Variants in SPOCK3 observed in about 807,000 individuals in gnomAD.
The protein encoded by SPOCK3 is SPARC (osteonectin), cwcv and kazal like domains proteoglycan 3, also known as testican-3.
In SPOCK3, 30 loss-of-function variants were observed where a neutral mutation model predicts 56.6. The observed-to-expected ratio is 0.53, with a 90% CI of 0.40 to 0.72. The LOEUF is 0.72. Among genes scored for constraint, SPOCK3 ranks in the 30% least tolerant of loss-of-function variants. The pLI, the probability that SPOCK3 is intolerant of heterozygous loss-of-function variation, is 0.00. For missense variants in SPOCK3, 527 were observed against 530.0 expected (o/e 0.99, Z 0.06); for synonymous variants, 196 against 183.3 (o/e 1.07, Z -0.56).
chr4:167,197,116 T>A (rs1733032295), intron 2 of SPOCK3, among the ~76,000 whole-genome samples: 1 of 152,126 alleles, frequency 6.6e-6, no homozygotes, highest in African/African-American at 2.4e-5. Context: ...CTACCAGGCT[T>A]GGGTCAACTC....
intron 6 of SPOCK3, among the ~76,000 whole-genome samples, chr4:166,824,922 T>C (rs1745308004): frequency 6.6e-6 from 1 of 152,080 alleles, no homozygotes; most frequent in Non-Finnish European, 1.5e-5. Context: ...AAAAGCAATT[T>C]AAACCTACTC....
At chr4:167,227,132 G>A (rs1321151672) in intron 2 of SPOCK3, among the ~76,000 whole-genome samples, 3 of 152,034 alleles carry the variant, frequency 2.0e-5, no homozygotes, top group Non-Finnish European at 4.4e-5. Flanking sequence ...TTGTTGAAGA[G>A]GAACTGTGGA....
chr4:166,888,301 G>A (rs996222659), intron 6 of SPOCK3, among the ~76,000 whole-genome samples: 1 of 151,720 alleles, frequency 6.6e-6, no homozygotes, highest in African/African-American at 2.4e-5. Context: ...CACTAATAAG[G>A]GCATCCAATA....
At chr4:167,149,735 A>G (rs1160038381) in intron 2 of SPOCK3, among the ~76,000 whole-genome samples, 1 of 151,992 alleles carries the variant, frequency 6.6e-6, no homozygotes, top group Non-Finnish European at 1.5e-5. Context: ...GCTGTTAACA[A>G]AATATCAAAT....
At chr4:166,845,444 T>A (rs553831405) in intron 6 of SPOCK3, among the ~76,000 whole-genome samples, 44 of 152,340 alleles carry the variant, frequency 2.9e-4, no homozygotes, top group African/African-American at 1.0e-3. Context: ...TTATGTTAAA[T>A]ATTTCACTTT....
chr4:167,233,347 T>C (rs1014160586), intron 2 of SPOCK3, among the ~76,000 whole-genome samples: 1 of 152,182 alleles, frequency 6.6e-6, no homozygotes, highest in African/African-American at 2.4e-5. Flanking sequence ...TCGCAACCTC[T>C]TCCCGCAGAG....
chr4:166,828,648 A>C (rs888349942), intron 6 of SPOCK3, among the ~76,000 whole-genome samples: 1 of 152,058 alleles, frequency 6.6e-6, no homozygotes, highest in Non-Finnish European at 1.5e-5. Context: ...TTGTGGTGGT[A>C]GGAAAATGAT....
intron 2 of SPOCK3, among the ~76,000 whole-genome samples, chr4:167,203,737 T>C (rs1447649657): frequency 6.6e-6 from 1 of 152,018 alleles, no homozygotes; most frequent in Admixed American, 6.6e-5. Flanking sequence ...AAAAAGAGTG[T>C]AGCCCTTGAA....
intron 2 of SPOCK3, among the ~76,000 whole-genome samples, chr4:167,164,011 G>A (rs550335049): frequency 3.3e-5 from 5 of 152,122 alleles, no homozygotes; most frequent in African/African-American, 1.2e-4. Flanking sequence ...AATTTTATTT[G>A]AGGACCTGGA....
At chr4:166,928,906 T>A (rs1158145288) in intron 4 of SPOCK3, among the ~76,000 whole-genome samples, 1 of 152,100 alleles carries the variant, frequency 6.6e-6, no homozygotes, top group East Asian at 1.9e-4. Context: ...AGGCAGAGTT[T>A]GTAGTGAGCT....
intron 2 of SPOCK3, among the ~76,000 whole-genome samples, chr4:167,136,783 A>T (rs1404306301): frequency 1.3e-5 from 2 of 152,112 alleles, no homozygotes; most frequent in African/African-American, 4.8e-5. Context: ...AAGCAATGGA[A>T]TGTATACAGA....
intron 2 of SPOCK3, among the ~76,000 whole-genome samples, chr4:167,139,481 G>C (rs761379525): frequency 6.6e-6 from 1 of 151,964 alleles, no homozygotes; most frequent in Non-Finnish European, 1.5e-5. Context: ...TGAATGTTAT[G>C]CTAGTATGAA....
intron 6 of SPOCK3, among the ~76,000 whole-genome samples, chr4:166,843,626 C>T (rs557719069): frequency 1.8e-4 from 27 of 152,272 alleles, no homozygotes; most frequent in African/African-American, 6.3e-4. Context: ...GACTCCCACA[C>T]GACCCTAGCC....
chr4:166,737,429 G>A (rs750135752), intron 10 of SPOCK3, 38 bp downstream of exon 10: 4 of 1,591,894 alleles, frequency 2.5e-6, no homozygotes, highest in Non-Finnish European at 3.4e-6. Context: ...TTAATTCTGT[G>A]CTTAGAAAAT....
intron 4 of SPOCK3, among the ~76,000 whole-genome samples, chr4:166,944,585 C>A (rs1052977866): frequency 6.6e-6 from 1 of 151,960 alleles, no homozygotes; most frequent in Non-Finnish European, 1.5e-5. Context: ...TTCCTTTAAA[C>A]ATTATAGATC....
At chr4:167,071,337 C>T (rs1476157362) in intron 2 of SPOCK3, among the ~76,000 whole-genome samples, 10 of 151,944 alleles carry the variant, frequency 6.6e-5, no homozygotes, top group Admixed American at 6.6e-4. Context: ...GTTTGCTGCA[C>T]CCATCAACTC....
intron 3 of SPOCK3, among the ~76,000 whole-genome samples, chr4:167,036,897 T>C (rs1171981507): frequency 6.6e-6 from 1 of 152,184 alleles, no homozygotes; most frequent in Non-Finnish European, 1.5e-5. Flanking sequence ...TTTGAAAATT[T>C]TGTAATTTTA....
intron 2 of SPOCK3, among the ~76,000 whole-genome samples, chr4:167,080,775 G>A (rs1757630627): frequency 6.6e-6 from 1 of 151,880 alleles, no homozygotes. Flanking sequence ...GAGGCTGGGA[G>A]GAGGCACACC....
rs546674998 is a variant in SPOCK3, at chr4:167,219,167, G to A, written c.189+14818C>T. Among the ~76,000 whole-genome samples, 7 of 152,268 alleles carry A rather than the reference G, an allele frequency of 4.6e-5. No homozygotes were observed. In the South Asian group the frequency reaches 1.2e-3, roughly 27 times the overall value. On this transcript the variant is annotated intron_variant, in intron 2 of 10. Coordinates refer to ENST00000357545, the MANE Select transcript of SPOCK3 (RefSeq NM_001040159.2). ...ATCTGACTGCCTCAGGGACATCCGA[G>A]GAGAATATCAGATGTTGCCAAGGGC...
Sources: gnomAD v4.1 joint callset for allele counts (sites outside exome capture counted in the v4.1 genomes callset) on GRCh38, gnomAD v4.1.1 for gene constraint, MANE v1.5 for transcripts, NCBI Gene and HGNC (gene_info 2026-07-23, HGNC 2026-07-21) for gene names.